Variants in BICRAL observed in about 807,000 individuals in gnomAD.
BICRAL encodes BRD4-interacting chromatin-remodeling complex-associated protein-like.
BICRAL carries 8 observed loss-of-function variants against 91.8 expected under a neutral mutation model. The observed-to-expected ratio is 0.09, with a 90% CI of 0.05 to 0.16. BICRAL has a LOEUF of 0.16. BICRAL is among the 10% of genes least tolerant of loss of function. The pLI, the probability that BICRAL is intolerant of heterozygous loss-of-function variation, is 1.00. For missense variants in BICRAL, 1,038 were observed against 1,310.9 expected, an observed-to-expected ratio of 0.79 and a Z score of 3.21; for synonymous variants, 445 against 491.1, an observed-to-expected ratio of 0.91 and a Z score of 1.24.
At chr6:42,762,363 T>C (rs928000608) in intron 1 of BICRAL, among the ~76,000 whole-genome samples, 7 of 152,242 alleles carry the variant, frequency 4.6e-5, no homozygotes, top group Non-Finnish European at 8.8e-5. Context: ...AAGATAAAGA[T>C]ATATAGTGAT....
At chr6:42,748,819 T>C (rs1762331454) in intron 1 of BICRAL, among the ~76,000 whole-genome samples, 2 of 152,212 alleles carry the variant, frequency 1.3e-5, no homozygotes, top group South Asian at 4.1e-4. Context: ...GTAGGAAGGC[T>C]GCGAAATGGC....
chr6:42,853,468 A>C (rs547687189), intron 7 of BICRAL, among the ~76,000 whole-genome samples, 170 bp from the exon 8 acceptor site: 3 of 152,206 alleles, frequency 2.0e-5, no homozygotes, highest in African/African-American at 7.2e-5. Context: ...CTTCCTTTAG[A>C]GCTTGTAAGT....
chr6:42,852,002 G>A (rs1349176251), intron 6 of BICRAL, 90 bp from the exon 7 acceptor site: 1 of 733,222 alleles, frequency 1.4e-6, no homozygotes, highest in Non-Finnish European at 2.3e-6. Context: ...AGGTACCAGG[G>A]AGGCATGAAG....
At position 42,828,797 on chromosome 6, in the gene BICRAL, T is replaced by C. The variant is rs1764379895; in HGVS notation, c.464T>C (p.Val155Ala). Residue 155 changes from valine (V) to alanine (A), a missense_variant, in exon 6 of 13, where the codon GTT (valine) becomes GCT (alanine). Around this residue, in one of 5 missense-constraint regions of BICRAL, gnomAD observed 532 missense variants for 724.9 expected, o/e 0.73. Coordinates refer to ENST00000314073, the MANE Select transcript of BICRAL (RefSeq NM_001393499.1). ...SSASFTQASN[V>A]SNYSGQTLQP... The stretch of plus-strand genomic sequence containing the variant: ...GCATCCTTTACTCAGGCTTCTAATG[T>C]TTCTAATTACTCAGGTCAGACGCTG... 6.2e-7 allele frequency: 1 copy of C among 1,614,172 alleles called. No individual in the cohort carries two copies. The highest frequency in any genetic ancestry group is 2.2e-5 in the East Asian group (1 of 44,892).
chr6:42,815,984 CA>C (rs746928245), intron 2 of BICRAL, among the ~76,000 whole-genome samples: 838 of 39,260 alleles, frequency 0.021, no homozygotes, highest in African/African-American at 0.034. Context: ...AACTCTGTCT[CA>C]AAAAAAAAAA....
intron 6 of BICRAL, among the ~76,000 whole-genome samples, chr6:42,835,136 C>CT (rs71305782): frequency 0.29 from 43,674 of 148,076 alleles, 6,877 homozygotes; most frequent in South Asian, 0.47. Context: ...ACCCTTTTTT[C>CT]TTTTTTTTTT....
At chr6:42,862,467 T>C (rs1765581874) in intron 11 of BICRAL, 43 bp from the exon 12 acceptor site, 1 of 1,307,222 alleles carries the variant, frequency 7.6e-7, no homozygotes, top group Admixed American at 1.8e-5. Context: ...GCAACCATTT[T>C]TTAAAAATTG....
At chr6:42,818,276 G>A (rs1414790808) in intron 2 of BICRAL, among the ~76,000 whole-genome samples, 1 of 152,004 alleles carries the variant, frequency 6.6e-6, no homozygotes, top group Non-Finnish European at 1.5e-5. Context: ...TATATGCTTA[G>A]GAGCTAGTTG....
intron 1 of BICRAL, among the ~76,000 whole-genome samples, chr6:42,776,799 A>G (rs1297346392): frequency 6.6e-6 from 1 of 152,248 alleles, no homozygotes; most frequent in African/African-American, 2.4e-5. Context: ...AAATGGCAGT[A>G]ATAAAACTGG....
chr6:42,822,195 A>C (rs1764155795), intron 3 of BICRAL, 132 bp downstream of exon 3: 1 of 579,910 alleles, frequency 1.7e-6, no homozygotes, highest in Non-Finnish European at 3.1e-6. Flanking sequence ...GGTTTAGTAG[A>C]GAAACAGAGA....
At chr6:42,802,507 G>T (rs1184366643) in intron 1 of BICRAL, among the ~76,000 whole-genome samples, 3 of 151,926 alleles carry the variant, frequency 2.0e-5, no homozygotes, top group Non-Finnish European at 4.4e-5. Flanking sequence ...GGAGTGCAGT[G>T]GCACGATCTC....
chr6:42,824,979 A>T (rs1468154964), intron 5 of BICRAL, among the ~76,000 whole-genome samples: 3 of 152,144 alleles, frequency 2.0e-5, no homozygotes, highest in African/African-American at 7.2e-5. Context: ...TTAGACCAGC[A>T]GCTGGGCGCA....
intron 11 of BICRAL, among the ~76,000 whole-genome samples, chr6:42,861,109 A>G (rs1765543740): frequency 6.6e-6 from 1 of 152,132 alleles, no homozygotes; most frequent in African/African-American, 2.4e-5. Context: ...CTGGGCAACA[A>G]GAGCGAAACT....
chr6:42,821,558 T>C (rs1038410445), intron 2 of BICRAL, among the ~76,000 whole-genome samples: 2 of 152,220 alleles, frequency 1.3e-5, no homozygotes, highest in African/African-American at 2.4e-5. Flanking sequence ...TTCCTAAAGA[T>C]AGCCAGAATA....
At chr6:42,807,226 G>T (rs569270891) in intron 1 of BICRAL, among the ~76,000 whole-genome samples, 1 of 151,352 alleles carries the variant, frequency 6.6e-6, no homozygotes, top group Non-Finnish European at 1.5e-5. Flanking sequence ...CACTGTCACC[G>T]AGGCTGGGGT....
At chr6:42,762,876 G>A (rs973773530) in intron 1 of BICRAL, among the ~76,000 whole-genome samples, 10 of 151,496 alleles carry the variant, frequency 6.6e-5, no homozygotes, top group East Asian at 1.9e-4. Flanking sequence ...GCTGTGAGCC[G>A]TGATCATACC....
In BICRAL at chr6:42,862,618, A is replaced by G. The variant is rs1270605617; in HGVS notation, c.2452+6A>G. 7 of 1,540,696 alleles carry G rather than the reference A, an allele frequency of 4.5e-6. No individual in the cohort carries two copies. The South Asian group carries it at 6.7e-5, about 15-fold the overall frequency. On this transcript the variant is annotated splice_donor_region_variant and intron_variant, in intron 12 of 12. Coordinates refer to ENST00000314073, the MANE Select transcript of BICRAL (RefSeq NM_001393499.1). ...TTTGGCACTTGTAGACCCTGGTAAG[A>G]AACATCGCAGTGAAAGTAGTGGATA...
intron 1 of BICRAL, among the ~76,000 whole-genome samples, chr6:42,752,932 T>G (rs1156898814): frequency 2.0e-5 from 3 of 148,536 alleles, no homozygotes; most frequent in African/African-American, 7.5e-5. Context: ...TTTTTTTTTT[T>G]TTTGGTTGGG....
chr6:42,769,955 T>C (rs972855785), intron 1 of BICRAL, among the ~76,000 whole-genome samples: 2 of 152,322 alleles, frequency 1.3e-5, no homozygotes, highest in East Asian at 1.9e-4. Context: ...TAAAAGCTGG[T>C]CACAGTCTCA....
Sources: gnomAD v4.1 joint callset for allele counts (sites outside exome capture counted in the v4.1 genomes callset) on GRCh38, gnomAD v4.1.1 for gene constraint, gnomAD v4.1.1 regional missense constraint, MANE v1.5 for transcripts, NCBI Gene and HGNC (gene_info 2026-07-23, HGNC 2026-07-21) for gene names.